The following DGKB variants were observed in gnomAD, a reference collection of about 807,000 sequenced individuals.
The protein encoded by DGKB is 90 kDa diacylglycerol kinase.
Under a neutral mutation model 114.3 loss-of-function variants are expected in DGKB, and 67 were observed. The observed-to-expected ratio is 0.59, with a 90% CI of 0.48 to 0.72. The LOEUF (loss-of-function observed/expected upper bound fraction) is 0.72. Ranked by LOEUF, DGKB falls within the 30% of genes least tolerant of loss-of-function variation. The pLI is 0.00. For missense variants in DGKB, 907 were observed against 975.2 expected (o/e 0.93, Z 0.93); for synonymous variants, 398 against 323.1 (o/e 1.23, Z -2.49).
chr7:14,821,498 GA>G lies in DGKB; in HGVS notation c.70+19695del, dbSNP rs34771261. The stretch of plus-strand genomic sequence containing the variant: ...TCATAGAGGGGCTGGCATTTCAGCC[GA>G]AAACTGAAAGGTGAAAAGGAAGCTT... On this transcript the variant is annotated intron_variant, in intron 2 of 25. Transcript: ENST00000402815. Among the ~76,000 whole-genome samples the G allele has an allele frequency of 4.9e-4, 75 of 152,020 alleles. 1 individual carries two copies. The highest frequency in any genetic ancestry group is 1.8e-4 in the Non-Finnish European group (12 of 67,994).
chr7:14,497,206 A>G (rs546434086), intron 20 of DGKB, among the ~76,000 whole-genome samples: 1 of 151,764 alleles, frequency 6.6e-6, no homozygotes, highest in South Asian at 2.1e-4. Context: ...AGAAAGGGGG[A>G]AAAGGAATGA....
chr7:14,151,537 C>T (rs1414952113), intron 25 of DGKB, among the ~76,000 whole-genome samples: 1 of 151,826 alleles, frequency 6.6e-6, no homozygotes, highest in Non-Finnish European at 1.5e-5. Flanking sequence ...GCTCTTGACA[C>T]AATGGGACCT....
chr7:14,648,708 G>A (rs981528017), intron 13 of DGKB, among the ~76,000 whole-genome samples: 2 of 150,584 alleles, frequency 1.3e-5, no homozygotes, highest in Admixed American at 6.7e-5. Context: ...AGCTACGGGA[G>A]GACATTCTAA....
In DGKB at chr7:14,258,952, C is replaced by T. The variant is rs149611702; in HGVS notation, c.2122+79563G>A. On this transcript the variant is annotated intron_variant, in intron 23 of 25. Coordinates refer to ENST00000402815, the MANE Select transcript of DGKB (RefSeq NM_001350709.2). The stretch of plus-strand genomic sequence containing the variant: ...AACAGGAAAATTTTGACTCTTAAAG[C>T]CTGATTTAAGTCCTGCTCTAATTTG... Among the ~76,000 whole-genome samples the T allele has an allele frequency of 6.6e-5, 10 of 152,110 alleles. No individual in the cohort carries two copies. The East Asian group carries it at 1.9e-3, about 29-fold the overall frequency.
chr7:14,343,890 T>C (rs868210314), intron 22 of DGKB, among the ~76,000 whole-genome samples: 1 of 147,902 alleles, frequency 6.8e-6, no homozygotes, highest in African/African-American at 2.5e-5. Flanking sequence ...ATATATACTA[T>C]ATATTTAACT....
At position 14,354,715 on chromosome 7, in the gene DGKB, C is replaced by A. The variant is rs192684601; in HGVS notation, c.1836-9324G>T. On this transcript the variant is annotated intron_variant, in intron 21 of 25. Transcript: ENST00000402815. ...TTGCTGAAATTCCATAGTTACCAAG[C>A]AATCTGGAAGTTAATTTGGCTTTCT... 3.2e-3 allele frequency among the ~76,000 whole-genome samples: 485 copies of A among 152,220 alleles called. 1 individual carries two copies. Among genetic ancestry groups the A allele is most frequent in the Non-Finnish European group, 4.3e-3 (290 of 68,002 alleles).
At chr7:14,811,160 A>C (rs1027001019) in intron 2 of DGKB, among the ~76,000 whole-genome samples, 1 of 152,146 alleles carries the variant, frequency 6.6e-6, no homozygotes, top group African/African-American at 2.4e-5. Context: ...TCTCGCTGAA[A>C]TACGCCAGAT....
intron 4 of DGKB, 147 bp from the exon 5 acceptor site, chr7:14,736,341 AG>A (rs1831715546): frequency 1.8e-6 from 1 of 563,912 alleles, no homozygotes; most frequent in Non-Finnish European, 3.1e-6. Flanking sequence ...TTTGAGAAAT[AG>A]GGTGGGCCGT....
chr7:14,574,276 T>A lies in DGKB; in HGVS notation c.1706A>T (p.Asp569Val). Residue 569 changes from aspartate (D) to valine (V), a missense_variant, in exon 20 of 26, where the codon GAC (aspartate) becomes GTC (valine). Asp to Val is a radical substitution (Grantham distance 152). Around this residue, in one of 3 missense-constraint regions of DGKB, gnomAD observed 814 missense variants for 856.6 expected, o/e 0.95. Coordinates refer to ENST00000402815, the MANE Select transcript of DGKB (RefSeq NM_001350709.2). ...DRWKFEVIPN[D>V]KDEKGDPVPY... The stretch of plus-strand genomic sequence containing the variant: ...CACTGGGTCTCCTTTCTCATCTTTG[T>A]CATTAGGTATGACTTCAAACTTCCA... 6.2e-7 allele frequency: 1 copy of A among 1,613,370 alleles called. No individual in the cohort carries two copies. The highest frequency in any genetic ancestry group is 8.5e-7 in the Non-Finnish European group (1 of 1,179,472).
chr7:14,541,896 T>G (rs372950645), intron 20 of DGKB, among the ~76,000 whole-genome samples: 2 of 152,222 alleles, frequency 1.3e-5, no homozygotes, highest in African/African-American at 4.8e-5. Flanking sequence ...TCTTTTGTTC[T>G]CAGCACATTT....
At chr7:14,206,004 C>T (rs1786744379) in intron 23 of DGKB, among the ~76,000 whole-genome samples, 1 of 151,798 alleles carries the variant, frequency 6.6e-6, no homozygotes, top group Non-Finnish European at 1.5e-5. Context: ...TATACAATAC[C>T]AACTAGTTGA....
At chr7:14,433,771 G>C (rs1828837493) in intron 21 of DGKB, among the ~76,000 whole-genome samples, 1 of 151,950 alleles carries the variant, frequency 6.6e-6, no homozygotes. Context: ...AAGTGTTTTG[G>C]ATTTCACATT....
At chr7:14,885,789 A>G (rs1436156646) in intron 1 of DGKB, among the ~76,000 whole-genome samples, 1 of 151,926 alleles carries the variant, frequency 6.6e-6, no homozygotes, top group Non-Finnish European at 1.5e-5. Context: ...ATTGTGATTA[A>G]ATGATTTAAT....
chr7:14,184,305 G>C (rs1028732712), intron 23 of DGKB, among the ~76,000 whole-genome samples: 3 of 152,146 alleles, frequency 2.0e-5, no homozygotes, highest in African/African-American at 4.8e-5. Context: ...TAGAACTCAG[G>C]AGAGGGCGCA....
At chr7:14,601,656 G>T (rs1030733659) in intron 17 of DGKB, among the ~76,000 whole-genome samples, 2 of 152,084 alleles carry the variant, frequency 1.3e-5, no homozygotes, top group East Asian at 1.9e-4. Context: ...TTTGCTTAGA[G>T]ATTTCTTTTA....
intron 20 of DGKB, among the ~76,000 whole-genome samples, chr7:14,511,672 G>C (rs775244101): frequency 2.6e-5 from 4 of 152,154 alleles, no homozygotes; most frequent in Non-Finnish European, 5.9e-5. Flanking sequence ...AAGCGGCTTA[G>C]CTTTCAGTAT....
intron 20 of DGKB, among the ~76,000 whole-genome samples, chr7:14,517,161 C>T (rs1788943178): frequency 6.6e-6 from 1 of 152,062 alleles, no homozygotes; most frequent in Non-Finnish European, 1.5e-5. Flanking sequence ...CATGCACCTA[C>T]AACCGTCTGA....
chr7:14,827,145 C>T (rs1050547912), intron 2 of DGKB, among the ~76,000 whole-genome samples: 2 of 152,128 alleles, frequency 1.3e-5, no homozygotes, highest in African/African-American at 2.4e-5. Context: ...CAAGTGTTTT[C>T]ACCCATCCTG....
intron 21 of DGKB, among the ~76,000 whole-genome samples, chr7:14,355,926 A>G (rs1323679512): frequency 6.6e-6 from 1 of 152,114 alleles, no homozygotes; most frequent in African/African-American, 2.4e-5. Flanking sequence ...TTTGGTTGGT[A>G]GGCTATTAAT....
Sources: allele counts gnomAD v4.1 joint callset (sites outside exome capture counted in the v4.1 genomes callset), GRCh38; gene constraint gnomAD v4.1.1; regional missense constraint gnomAD v4.1.1; transcripts MANE v1.5; gene names NCBI Gene and HGNC (gene_info 2026-07-23, HGNC 2026-07-21).